The following BORCS5 variants were observed in gnomAD, a reference collection of about 807,000 sequenced individuals.
BORCS5 encodes BLOC-1-related complex subunit 5.
Under a neutral mutation model 22.1 loss-of-function variants are expected in BORCS5, and 17 were observed. The ratio of observed to expected loss-of-function variants is 0.77; its 90% CI spans 0.53 to 1.15. The LOEUF (loss-of-function observed/expected upper bound fraction) is 1.15, where lower values mean the gene tolerates loss of function less well. Ranked by LOEUF, BORCS5 falls within the 50% of genes most tolerant of loss-of-function variation. BORCS5 has a pLI of 0.00. For synonymous variants in BORCS5, 117 were observed against 99.8 expected (o/e 1.17, Z -1.03); for missense variants, 247 against 253.2 (o/e 0.98, Z 0.17).
rs139828591 is a variant in BORCS5, at chr12:12,470,858, G to A, written c.*5082G>A. 2.6e-3 allele frequency among the ~76,000 whole-genome samples: 401 copies of A among 152,088 alleles called. 2 individuals carry two copies. Among genetic ancestry groups the A allele is most frequent in the African/African-American group, 8.8e-3 (366 of 41,482 alleles). ...CTGGTGTGTGCGTGTCCATGCCTCCGGGATTTTTCCAGGGTTATCAATGTC... is the reference window on the plus strand; with the variant it reads ...CTGGTGTGTGCGTGTCCATGCCTCCAGGATTTTTCCAGGGTTATCAATGTC... On this transcript the variant is annotated 3_prime_UTR_variant, in exon 4 of 4. Transcript: ENST00000314565.
chr12:12,468,383 C>T lies in BORCS5; in HGVS notation c.*2607C>T, dbSNP rs921395175. On this transcript the variant is annotated 3_prime_UTR_variant, in exon 4 of 4. Transcript: ENST00000314565. ...TCTTTGTTGGTTAATACCCCATGACCTATCTGGCCGTTATGGGATATTTCA... is the reference window on the plus strand; with the variant it reads ...TCTTTGTTGGTTAATACCCCATGACTTATCTGGCCGTTATGGGATATTTCA... The T allele has an allele frequency of 2.6e-5, 4 of 152,180 alleles. No individual in the cohort carries two copies. The highest frequency in any genetic ancestry group is 9.7e-5 in the African/African-American group (4 of 41,434). 9.4% of individuals were successfully genotyped at this position (152,180 alleles called of 1,614,324 possible).
intron 2 of BORCS5, 94 bp downstream of exon 2, chr12:12,361,443 C>A: frequency 7.1e-7 from 1 of 1,407,462 alleles, no homozygotes; most frequent in Non-Finnish European, 9.9e-7. Flanking sequence ...CTTGCTCTCT[C>A]ATCTCCTTTA....
At chr12:12,410,916 G>A in intron 2 of BORCS5, among the ~76,000 whole-genome samples, 1 of 137,404 alleles carries the variant, frequency 7.3e-6, no homozygotes, top group African/African-American at 2.5e-5. Flanking sequence ...GCAGTGGTTT[G>A]TACTTCTCCT....
At chr12:12,461,572 G>T (rs1255730748) in intron 3 of BORCS5, among the ~76,000 whole-genome samples, 1 of 152,098 alleles carries the variant, frequency 6.6e-6, no homozygotes, top group East Asian at 1.9e-4. Flanking sequence ...TCTCTCTCAG[G>T]CCTGGTCTCC....
intron 3 of BORCS5, 120 bp from the exon 4 acceptor site, chr12:12,465,426 G>A (rs1375640346): frequency 1.3e-5 from 11 of 867,002 alleles, no homozygotes; most frequent in Middle Eastern, 2.3e-4. Context: ...GGTGCTTCCT[G>A]TAAAACTTGT....
At chr12:12,408,740 G>A (rs369477894) in intron 2 of BORCS5, among the ~76,000 whole-genome samples, 2 of 152,074 alleles carry the variant, frequency 1.3e-5, no homozygotes, top group African/African-American at 4.8e-5. Context: ...TCTTTTAAAG[G>A]CTGAATACCA....
intron 3 of BORCS5, among the ~76,000 whole-genome samples, chr12:12,437,155 A>T (rs7315626): frequency 4.6e-5 from 7 of 152,094 alleles, no homozygotes; most frequent in Admixed American, 1.3e-4. Context: ...GGAGGGACCC[A>T]GTGGGAGGTA....
chr12:12,465,531 C>T lies in BORCS5; in HGVS notation c.361-15C>T. 1 of 1,612,462 alleles carries T rather than the reference C, an allele frequency of 6.2e-7. No homozygotes were observed. The highest frequency in any genetic ancestry group is 1.1e-5 in the South Asian group (1 of 90,996). The stretch of plus-strand genomic sequence containing the variant: ...ATTAAACAAGGTATAATGTACTTCT[C>T]TTTCCCATCCACAGATGGATCTGTC... On this transcript the variant is annotated splice_polypyrimidine_tract_variant and intron_variant, in intron 3 of 3. Transcript: ENST00000314565.
At chr12:12,446,642 C>G (rs890656782) in intron 3 of BORCS5, among the ~76,000 whole-genome samples, 6 of 152,192 alleles carry the variant, frequency 3.9e-5, no homozygotes, top group African/African-American at 9.6e-5. Context: ...GGAGGTGTCC[C>G]TAAAGCTTGA....
In BORCS5 at chr12:12,359,078, G is replaced by C. The variant is rs571114394; in HGVS notation, c.58+1569G>C. The stretch of plus-strand genomic sequence containing the variant: ...CTTGTCCCAGTCTGGAAGATATTTG[G>C]GGGAGAGGATGATTTCTTGGTCTAG... On this transcript the variant is annotated intron_variant, in intron 1 of 3. Transcript: ENST00000314565. Among the ~76,000 whole-genome samples the C allele has an allele frequency of 3.9e-4, 59 of 152,210 alleles. No homozygotes were observed. In the South Asian group the frequency reaches 8.5e-3, roughly 22 times the overall value.
rs192205905 is a variant in BORCS5, at chr12:12,379,992, T to C, written c.202+18643T>C. The stretch of plus-strand genomic sequence containing the variant: ...ATAAAGACCATTGTAGGGGAATTCA[T>C]TGGCCTGATTTCAATATTATTGTAT... On this transcript the variant is annotated intron_variant, in intron 2 of 3. Transcript: ENST00000314565. Among the ~76,000 whole-genome samples, 11 of 151,452 alleles carry C rather than the reference T, an allele frequency of 7.3e-5. 1 individual carries two copies. Among genetic ancestry groups the C allele is most frequent in the South Asian group, 2.1e-4 (1 of 4,766 alleles).
At chr12:12,419,807 A>AT (rs2136102822) in intron 2 of BORCS5, among the ~76,000 whole-genome samples, 1 of 152,166 alleles carries the variant, frequency 6.6e-6, no homozygotes, top group Non-Finnish European at 1.5e-5. Context: ...GATGATGAGC[A>AT]TTTTTTCATG....
chr12:12,357,302 G>A lies in BORCS5; in HGVS notation c.-150G>A, dbSNP rs986144245. The A allele has an allele frequency of 2.1e-6, 3 of 1,457,494 alleles. No individual in the cohort carries two copies. The highest frequency in any genetic ancestry group is 5.2e-5 in the Admixed American group (2 of 38,772). The allele number at this position is 1,457,494 out of a possible 1,614,324, so 90.3% of individuals were successfully genotyped here. A position where few individuals can be genotyped will look rare whatever the true frequency, so the allele number is the denominator to read the frequency against. ...CGCCGCCCAGGCCCCTGCGTGGGCTGGACGCGTCAGCCCCACACATTAGCC... is the reference window on the plus strand; with the variant it reads ...CGCCGCCCAGGCCCCTGCGTGGGCTAGACGCGTCAGCCCCACACATTAGCC... On this transcript the variant is annotated 5_prime_UTR_variant, in exon 1 of 4. Coordinates refer to ENST00000314565, the MANE Select transcript of BORCS5 (RefSeq NM_058169.6).
chr12:12,381,011 ATTT>A (rs530930947), intron 2 of BORCS5, among the ~76,000 whole-genome samples: 3 of 122,196 alleles, frequency 2.5e-5, no homozygotes, highest in East Asian at 2.3e-4. Flanking sequence ...TTTTTGGGGG[ATTT>A]TTTTTTTTTT....
At chr12:12,373,407 A>C (rs552707207) in intron 2 of BORCS5, among the ~76,000 whole-genome samples, 1 of 152,328 alleles carries the variant, frequency 6.6e-6, no homozygotes, top group South Asian at 2.1e-4. Flanking sequence ...TAAGCTGGGA[A>C]AATGGTAGGG....
rs150764243 is a variant in BORCS5, at chr12:12,458,999, T to G, written c.361-6547T>G. Reference sequence around the variant, plus strand: ...AAAAGAATTAAAAAAAAGAGAGAGATAGTCTCCTGCCTTAGCCTCCCAAGT... The same window carrying G: ...AAAAGAATTAAAAAAAAGAGAGAGAGAGTCTCCTGCCTTAGCCTCCCAAGT... On this transcript the variant is annotated intron_variant, in intron 3 of 3. Transcript: ENST00000314565. 3.5e-3 allele frequency among the ~76,000 whole-genome samples: 525 copies of G among 151,648 alleles called. 4 individuals are homozygous for G. Among genetic ancestry groups the G allele is most frequent in the African/African-American group, 0.011 (438 of 41,394 alleles).
At chr12:12,431,568 A>G (rs974547363) in intron 2 of BORCS5, among the ~76,000 whole-genome samples, 1 of 149,714 alleles carries the variant, frequency 6.7e-6, no homozygotes, top group Non-Finnish European at 1.5e-5. Flanking sequence ...TGCCCAACTA[A>G]TTTTTGTATT....
chr12:12,395,743 G>A (rs1171973653), intron 2 of BORCS5, among the ~76,000 whole-genome samples: 1 of 152,048 alleles, frequency 6.6e-6, no homozygotes, highest in African/African-American at 2.4e-5. Flanking sequence ...GAATGAATTG[G>A]TATGACAGTG....
intron 2 of BORCS5, among the ~76,000 whole-genome samples, chr12:12,430,219 C>T (rs1054376060): frequency 7.4e-6 from 1 of 134,372 alleles, no homozygotes; most frequent in South Asian, 2.3e-4. Context: ...GGCAAGATCT[C>T]GGCTCACTGC....
Sources: allele counts gnomAD v4.1 joint callset (sites outside exome capture counted in the v4.1 genomes callset), GRCh38; gene constraint gnomAD v4.1.1; transcripts MANE v1.5; gene names NCBI Gene and HGNC (gene_info 2026-07-23, HGNC 2026-07-21).